The following TOGARAM1 variants were observed in gnomAD, a reference collection of about 807,000 sequenced individuals.
TOGARAM1 encodes TOG array regulator of axonemal microtubules 1.
TOGARAM1 carries 100 observed loss-of-function variants against 166.6 expected under a neutral mutation model. The observed-to-expected ratio is 0.60, with a 90% confidence interval of 0.51 to 0.71. The LOEUF (loss-of-function observed/expected upper bound fraction) is 0.71, where lower values mean the gene tolerates loss of function less well. Among genes scored for constraint, TOGARAM1 ranks in the 30% least tolerant of loss-of-function variants. The pLI, the probability that TOGARAM1 is intolerant of heterozygous loss-of-function variation, is 0.00. For synonymous variants in TOGARAM1, 758 were observed against 763.8 expected (o/e 0.99, Z 0.13); for missense variants, 2,029 against 2,102.7 (o/e 0.96, Z 0.69).
Position 45,027,370 on chromosome 14 carries a change from G to C in TOGARAM1, c.3400G>C (p.Asp1134His), listed in dbSNP as rs778692073. ...AGTGATATCTTCTGTGGAAAATGGG[G>C]ATACATTTTCAATTAAACAAAGTAT... ...QSVISSVENGDTFSIKQSIEP... is the reference protein window; with the variant it reads ...QSVISSVENGHTFSIKQSIEP... Residue 1134 changes from aspartate (D) to histidine (H), a missense_variant, in exon 9 of 20, where the codon GAT (aspartate) becomes CAT (histidine). By Grantham distance (81) the Asp-to-His change is moderately conservative (BLOSUM62 -1). This residue lies in a region of TOGARAM1 where 1,453 missense variants were observed against 1,432.2 expected (regional missense o/e 1.01). Coordinates refer to ENST00000361462, the MANE Select transcript of TOGARAM1 (RefSeq NM_001308120.2). The C allele has an allele frequency of 3.1e-6, 5 of 1,613,316 alleles. No individual in the cohort carries two copies. The highest frequency in any genetic ancestry group is 4.2e-6 in the Non-Finnish European group (5 of 1,179,606).
In TOGARAM1 at chr14:44,976,349, C is replaced by T. The variant is rs376888974; in HGVS notation, c.2046+11882C>T. Among the ~76,000 whole-genome samples, 7 of 152,280 alleles carry T rather than the reference C, an allele frequency of 4.6e-5. No homozygotes were observed. In the East Asian group the frequency reaches 9.6e-4, roughly 21 times the overall value. On this transcript the variant is annotated intron_variant, in intron 1 of 19. Coordinates refer to ENST00000361462, the MANE Select transcript of TOGARAM1 (RefSeq NM_001308120.2). Reference sequence around the variant, plus strand: ...TCCTCTGACCCCTTTTTCCAGATAACATCTAATCCTTTGTTGCCTTATCTG... The same window carrying T: ...TCCTCTGACCCCTTTTTCCAGATAATATCTAATCCTTTGTTGCCTTATCTG...
chr14:44,984,883 T>A (rs1223026062), intron 1 of TOGARAM1, among the ~76,000 whole-genome samples: 1 of 152,188 alleles, frequency 6.6e-6, no homozygotes, highest in Non-Finnish European at 1.5e-5. Flanking sequence ...CTTGTATACA[T>A]ATTTCTATTT....
In TOGARAM1 at chr14:44,986,937, C is replaced by CG. The variant is rs527748967; in HGVS notation, c.2047-8808dup. Among the ~76,000 whole-genome samples, 683 of 147,230 alleles carry CG rather than the reference C, an allele frequency of 4.6e-3. 1 individual carries two copies. Among genetic ancestry groups the CG allele is most frequent in the African/African-American group, 0.012 (466 of 39,838 alleles). Reference sequence around the variant, plus strand: ...AGAAGAATGGTGTGAACCCAGGAGGCGAGCTTGCAGTGAACCGAGATTGCG... The same window carrying CG: ...AGAAGAATGGTGTGAACCCAGGAGGCGGAGCTTGCAGTGAACCGAGATTGCG... On this transcript the variant is annotated intron_variant, in intron 1 of 19. Transcript: ENST00000361462.
chr14:45,063,419 C>T (rs1882988626), intron 16 of TOGARAM1, among the ~76,000 whole-genome samples: 1 of 151,404 alleles, frequency 6.6e-6, no homozygotes, highest in African/African-American at 2.4e-5. Context: ...AATTTTTTCA[C>T]ATCCTCACCA....
intron 1 of TOGARAM1, among the ~76,000 whole-genome samples, chr14:44,974,622 A>C (rs1211068081): frequency 1.3e-5 from 2 of 152,080 alleles, no homozygotes; most frequent in African/African-American, 2.4e-5. Flanking sequence ...TTTTTTAGTA[A>C]TATACTGTTA....
Position 44,963,500 on chromosome 14 carries a change from T to C in TOGARAM1, c.1079T>C (p.Leu360Ser), listed in dbSNP as rs777839421. The C allele has an allele frequency of 6.2e-7, 1 of 1,614,204 alleles. No individual in the cohort carries two copies. Among genetic ancestry groups the C allele is most frequent in the African/African-American group, 1.3e-5 (1 of 75,044 alleles). ...CCTCAGGAGCTGCATTCACGATTAT[T>C]GGATCAGGAAGACTATAAGAACCGG... ...IIPQELHSRL[L>S]DQEDYKNRTQ... Residue 360 changes from leucine to serine, a missense_variant, in exon 1 of 20, where the codon TTG (leucine) becomes TCG (serine). Around this residue, in one of 2 missense-constraint regions of TOGARAM1, gnomAD observed 1,453 missense variants for 1,432.2 expected, o/e 1.01. Transcript: ENST00000361462.
intron 13 of TOGARAM1, among the ~76,000 whole-genome samples, chr14:45,045,583 A>ATATATG (rs1431167583): frequency 1.9e-4 from 7 of 37,472 alleles, no homozygotes; most frequent in Non-Finnish European, 2.2e-4. Context: ...ATATATATAT[A>ATATATG]TGTGTGTGTG....
At chr14:45,066,495 A>C in intron 16 of TOGARAM1, 83 bp from the exon 17 acceptor site, 1 of 1,281,552 alleles carries the variant, frequency 7.8e-7, no homozygotes, top group South Asian at 1.7e-5. Context: ...ATGAATGCAT[A>C]ATGAGATTTT....
At chr14:45,045,565 A>G (rs1462939336) in intron 13 of TOGARAM1, among the ~76,000 whole-genome samples, 23 of 41,250 alleles carry the variant, frequency 5.6e-4, no homozygotes, top group East Asian at 3.0e-3. Context: ...ATATATATAT[A>G]TATATATATA....
chr14:45,020,748 A>G (rs12881556), intron 7 of TOGARAM1, among the ~76,000 whole-genome samples: 1 of 152,218 alleles, frequency 6.6e-6, no homozygotes, highest in Non-Finnish European at 1.5e-5. Flanking sequence ...CATCTGATGC[A>G]CTGGGAGTTG....
At chr14:45,058,674 T>A (rs995115726) in intron 16 of TOGARAM1, among the ~76,000 whole-genome samples, 1 of 152,200 alleles carries the variant, frequency 6.6e-6, no homozygotes, top group African/African-American at 2.4e-5. Flanking sequence ...AGCATATAGT[T>A]GGATCATGTT....
At chr14:45,046,906 A>G (rs897303749) in intron 14 of TOGARAM1, among the ~76,000 whole-genome samples, 1 of 152,158 alleles carries the variant, frequency 6.6e-6, no homozygotes, top group Non-Finnish European at 1.5e-5. Flanking sequence ...TACAGATGAC[A>G]CTACATACTT....
chr14:45,048,631 A>C (rs1038895344), intron 14 of TOGARAM1, among the ~76,000 whole-genome samples: 32 of 152,088 alleles, frequency 2.1e-4, no homozygotes, highest in Non-Finnish European at 3.1e-4. Context: ...GAAGGCCAAA[A>C]TCAGGGTGAT....
At position 44,963,186 on chromosome 14, in the gene TOGARAM1, G is replaced by A; in HGVS notation, c.765G>A (p.Glu255=). The change falls in exon 1 of 20, where the codon GAG becomes GAA. Residue 255 remains glutamate, a synonymous_variant. Coordinates refer to ENST00000361462, the MANE Select transcript of TOGARAM1 (RefSeq NM_001308120.2). Reference sequence around the variant, plus strand: ...TGTTGCTTGGTCTGGATCTCACCGAGGTGATAATATCCCTAGCCCGAAAGC... The same window carrying A: ...TGTTGCTTGGTCTGGATCTCACCGAAGTGATAATATCCCTAGCCCGAAAGC... ...EDLLLGLDLT[E]VIISLARKLG... is the part of the protein sequence containing the mutation. 1 of 1,614,180 alleles carries A rather than the reference G, an allele frequency of 6.2e-7. No homozygotes were observed. The highest frequency in any genetic ancestry group is 8.5e-7 in the Non-Finnish European group (1 of 1,180,038).
At chr14:44,964,594 C>A in intron 1 of TOGARAM1, 127 bp downstream of exon 1, 1 of 1,098,066 alleles carries the variant, frequency 9.1e-7, no homozygotes, top group Non-Finnish European at 1.3e-6. Context: ...GATTTTAAAT[C>A]CATCTGAATG....
rs562027483 is a variant in TOGARAM1 at position 45,027,411 on chromosome 14, G to C, written c.3441G>C (p.Gly1147=). The part of the protein sequence containing the change: ...SIKQSIEPPS[G]IYGRSVQQNI... ...AACAAAGTATTGAACCACCATCAGG[G>C]ATTTATGGAAGATCAGTCCAGCAAA... Residue 1147 remains glycine, a synonymous_variant, in exon 9 of 20, where the codon GGG becomes GGC. Transcript: ENST00000361462. The C allele has an allele frequency of 6.2e-7, 1 of 1,613,412 alleles. No homozygotes were observed. The highest frequency in any genetic ancestry group is 1.1e-5 in the South Asian group (1 of 90,918).
chr14:45,003,730 A>G (rs11849208), intron 3 of TOGARAM1, among the ~76,000 whole-genome samples: 16,822 of 151,842 alleles, frequency 0.11, 1,357 homozygotes, highest in African/African-American at 0.23. Context: ...GTAATGAGAA[A>G]AAGAATAATT....
chr14:44,972,275 T>G (rs191778069), intron 1 of TOGARAM1, among the ~76,000 whole-genome samples: 146 of 146,958 alleles, frequency 9.9e-4, no homozygotes, highest in African/African-American at 2.1e-3. Context: ...TGTGTGTGTG[T>G]TTTTTTTTTG....
At chr14:45,053,851 A>T (rs1041080907) in intron 15 of TOGARAM1, among the ~76,000 whole-genome samples, 1 of 152,076 alleles carries the variant, frequency 6.6e-6, no homozygotes, top group Non-Finnish European at 1.5e-5. Context: ...CTTTAAGAAG[A>T]GTAGTTACGA....
Sources: gnomAD v4.1 joint callset for allele counts (sites outside exome capture counted in the v4.1 genomes callset) on GRCh38, gnomAD v4.1.1 for gene constraint, gnomAD v4.1.1 regional missense constraint, MANE v1.5 for transcripts, NCBI Gene and HGNC (gene_info 2026-07-23, HGNC 2026-07-21) for gene names.